Variants in SUCO observed in about 807,000 individuals in gnomAD.
SUCO encodes the protein SUN domain containing ossification factor.
In SUCO, 57 loss-of-function variants were observed where a neutral mutation model predicts 148.1. The observed-to-expected ratio is 0.38, with a 90% CI of 0.31 to 0.48. The LOEUF (loss-of-function observed/expected upper bound fraction) is 0.48, where lower values mean the gene tolerates loss of function less well. Among genes scored for constraint, SUCO ranks in the 20% least tolerant of loss-of-function variants. SUCO has a pLI of 0.96. For synonymous variants in SUCO, 470 were observed against 502.7 expected, an observed-to-expected ratio of 0.93 and a Z score of 0.87; for missense variants, 1,331 against 1,468.2, an observed-to-expected ratio of 0.91 and a Z score of 1.53.
intron 9 of SUCO, 56 bp downstream of exon 9, chr1:172,570,786 A>G: frequency 9.5e-7 from 1 of 1,052,956 alleles, no homozygotes; most frequent in Non-Finnish European, 1.5e-6. Flanking sequence ...ATATTATGTT[A>G]AGCTTTTACA....
At position 172,588,307 on chromosome 1, in the gene SUCO, T is replaced by A. The variant is rs1043018666; in HGVS notation, c.1659-453T>A. On this transcript the variant is annotated intron_variant, in intron 17 of 23. Transcript: ENST00000263688. ...AAAGTGCACTCATAAATATTAAGAA[T>A]CCTAGATTCTAGTTTTAGCTCTGGA... 6 of 985,240 alleles carry A rather than the reference T, an allele frequency of 6.1e-6. No homozygotes were observed. In the African/African-American group the frequency reaches 1.0e-4, roughly 17 times the overall value. 61.0% of individuals were successfully genotyped at this position (985,240 alleles called of 1,614,324 possible).
chr1:172,555,017 C>T (rs1262983227), intron 3 of SUCO, among the ~76,000 whole-genome samples: 1 of 152,100 alleles, frequency 6.6e-6, no homozygotes, highest in Non-Finnish European at 1.5e-5. Flanking sequence ...TCTAATTCAT[C>T]ATAGTCCTTA....
At position 172,551,611 on chromosome 1, in the gene SUCO, A is replaced by G. The variant is rs374074256; in HGVS notation, c.162A>G (p.Val54=). The change falls in exon 2 of 24, where the codon GTA becomes GTG. Residue 54 remains valine (V), a synonymous_variant. Transcript: ENST00000263688. The part of the protein sequence containing the change: ...DDNCALENED[V]QFQKKDEREG... ...ACTGCGCACTAGAAAATGAAGATGTACAATTCCAGAAAAAGGTGCCTTAAA... is the reference window on the plus strand; with the variant it reads ...ACTGCGCACTAGAAAATGAAGATGTGCAATTCCAGAAAAAGGTGCCTTAAA... The G allele has an allele frequency of 1.6e-5, 26 of 1,602,016 alleles. No homozygotes were observed. The Admixed American group carries it at 3.2e-4, about 20-fold the overall frequency.
intron 1 of SUCO, chr1:172,550,833 C>T (rs1412232427): frequency 3.4e-6 from 3 of 879,950 alleles, no homozygotes; most frequent in African/African-American, 1.8e-5. Flanking sequence ...TGGATATAAT[C>T]GTAACATATT....
chr1:172,576,868 T>A, intron 11 of SUCO: 11 of 807,164 alleles, frequency 1.4e-5, no homozygotes, highest in Non-Finnish European at 1.6e-5. Context: ...CATTTTATGG[T>A]AATAATGTTA....
At chr1:172,586,827 A>T (rs1335013540) in intron 17 of SUCO, among the ~76,000 whole-genome samples, 1 of 152,182 alleles carries the variant, frequency 6.6e-6, no homozygotes, top group Non-Finnish European at 1.5e-5. Flanking sequence ...CATAGTGAGA[A>T]AATTATATTA....
rs1244958898 is a variant in SUCO at position 172,543,450 on chromosome 1, C to A, written c.63-8062C>A. 2.0e-5 allele frequency among the ~76,000 whole-genome samples: 3 copies of A among 152,276 alleles called. No individual in the cohort carries two copies. In the East Asian group the frequency reaches 5.8e-4, roughly 29 times the overall value. On this transcript the variant is annotated intron_variant, in intron 1 of 23. Coordinates refer to ENST00000263688, the MANE Select transcript of SUCO (RefSeq NM_014283.5). ...TATCAAGTATAGGGCATGATTATTT[C>A]CAGCATCTTAGAGGACAAATTGTAT...
intron 1 of SUCO, among the ~76,000 whole-genome samples, chr1:172,542,387 A>C (rs1652535932): frequency 6.6e-6 from 1 of 152,052 alleles, no homozygotes; most frequent in Admixed American, 6.6e-5. Flanking sequence ...CGTCTCAAAA[A>C]AAAAGAAAAA....
intron 19 of SUCO, chr1:172,599,569 A>G (rs1392294383): frequency 5.1e-6 from 1 of 196,078 alleles, no homozygotes; most frequent in East Asian, 1.9e-4. Flanking sequence ...AATTATGGAT[A>G]TTTCACTATG....
intron 17 of SUCO, among the ~76,000 whole-genome samples, chr1:172,586,281 C>T (rs1656235467): frequency 6.6e-6 from 1 of 151,846 alleles, no homozygotes; most frequent in Non-Finnish European, 1.5e-5. Context: ...AAGGCCCCCC[C>T]TTTTTTTTAT....
intron 20 of SUCO, among the ~76,000 whole-genome samples, chr1:172,600,944 G>A (rs979955131): frequency 5.9e-5 from 9 of 152,208 alleles, no homozygotes; most frequent in Non-Finnish European, 1.2e-4. Context: ...TGGTATGGCT[G>A]GAGCAGAGTG....
chr1:172,548,433 A>G (rs894742784), intron 1 of SUCO, among the ~76,000 whole-genome samples: 1 of 151,798 alleles, frequency 6.6e-6, no homozygotes, highest in Non-Finnish European at 1.5e-5. Context: ...GCCTATCCAT[A>G]TATCCTTCCT....
rs536068303 is a variant in SUCO, at chr1:172,606,015, A to T, written c.3266-2732A>T. ...GGTATTCTATAAATTTTTTTATATT[A>T]TATTTTATTTCCATTTTTAATGTTA... On this transcript the variant is annotated intron_variant, in intron 22 of 23. Coordinates refer to ENST00000263688, the MANE Select transcript of SUCO (RefSeq NM_014283.5). Among the ~76,000 whole-genome samples, 137 of 151,386 alleles carry T rather than the reference A, an allele frequency of 9.0e-4. 1 individual carries two copies. The South Asian group carries it at 0.018, about 19-fold the overall frequency.
chr1:172,532,807 C>T (rs1651685352), upstream of SUCO: 2 of 1,600,548 alleles, frequency 1.2e-6, no homozygotes, highest in Admixed American at 1.7e-5. Context: ...GGGCGGTCCA[C>T]TGTAAGGGGA....
intron 1 of SUCO, among the ~76,000 whole-genome samples, chr1:172,546,496 A>G (rs946602700): frequency 3.9e-5 from 6 of 152,226 alleles, no homozygotes; most frequent in African/African-American, 1.4e-4. Flanking sequence ...AGTGGCAACA[A>G]GTGATAAATA....
At chr1:172,544,850 AGT>A (rs1652745590) in intron 1 of SUCO, among the ~76,000 whole-genome samples, 2 of 152,216 alleles carry the variant, frequency 1.3e-5, no homozygotes, top group Admixed American at 1.3e-4. Context: ...GGGGAATGGT[AGT>A]GTGATAATTT....
chr1:172,589,580 C>G lies in SUCO; in HGVS notation c.2479C>G (p.Pro827Ala). The change falls in exon 18 of 24, where the codon CCA (proline) becomes GCA (alanine). Residue 827 changes from proline (P) to alanine (A), a missense_variant. Around this residue, in one of 3 missense-constraint regions of SUCO, gnomAD observed 992 missense variants for 1,093.5 expected, o/e 0.91. Transcript: ENST00000263688. ...FTKLSETIVP[P>A]INTATVPDNE... is the part of the protein sequence containing the mutation. ...AAAGCTGTCTGAAACAATAGTGCCA[C>G]CAATAAATACAGCCACTGTACCCGA... is the stretch of plus-strand genomic sequence containing the variant. 6.2e-7 allele frequency: 1 copy of G among 1,613,730 alleles called. No homozygotes were observed. The highest frequency in any genetic ancestry group is 8.5e-7 in the Non-Finnish European group (1 of 1,179,856).
intron 19 of SUCO, among the ~76,000 whole-genome samples, chr1:172,595,406 A>G (rs1436901459): frequency 2.0e-5 from 3 of 152,196 alleles, no homozygotes; most frequent in African/African-American, 4.8e-5. Context: ...ATGTTTTTGC[A>G]GTGGCTGGTA....
chr1:172,547,416 T>C (rs1171439602), intron 1 of SUCO, among the ~76,000 whole-genome samples: 1 of 152,188 alleles, frequency 6.6e-6, no homozygotes, highest in East Asian at 1.9e-4. Context: ...AAAAGTAGAA[T>C]TGCAACTGCT....
Sources: allele counts gnomAD v4.1 joint callset (sites outside exome capture counted in the v4.1 genomes callset), GRCh38; gene constraint gnomAD v4.1.1; regional missense constraint gnomAD v4.1.1; transcripts MANE v1.5; gene names NCBI Gene and HGNC (gene_info 2026-07-23, HGNC 2026-07-21).